Variants in AOPEP observed in about 807,000 individuals in gnomAD.
AOPEP encodes aminopeptidase O.
A neutral mutation model predicts 98.1 loss-of-function variants in AOPEP; 77 were observed. The observed-to-expected ratio is 0.78, with a 90% CI of 0.65 to 0.95. The LOEUF is 0.95. AOPEP is among the 40% of genes least tolerant of loss of function. The pLI is 0.00. For missense variants in AOPEP, 1,024 were observed against 1,024.7 expected, an observed-to-expected ratio of 1.00 and a Z score of 0.01; for synonymous variants, 346 against 365.3, an observed-to-expected ratio of 0.95 and a Z score of 0.60.
intron 13 of AOPEP, among the ~76,000 whole-genome samples, chr9:95,038,952 A>G (rs1294292625): frequency 1.3e-5 from 2 of 152,160 alleles, no homozygotes; most frequent in Non-Finnish European, 2.9e-5. Flanking sequence ...CGGGCTTAAC[A>G]TAGGATTGCC....
the AOPEP span, among the ~76,000 whole-genome samples, chr9:95,137,600 AGATCAGTTT>A: frequency 6.6e-6 from 1 of 152,158 alleles, no homozygotes; most frequent in Non-Finnish European, 1.5e-5. Context: ...ATTTACTAAG[AGATCAGTTT>A]GAGGTGTGTG....
intron 5 of AOPEP, among the ~76,000 whole-genome samples, chr9:94,820,780 A>G (rs182597373): frequency 1.7e-4 from 26 of 152,348 alleles, no homozygotes; most frequent in Admixed American, 5.2e-4. Flanking sequence ...TCTTAAAAGC[A>G]GTAGAATATC....
intron 3 of AOPEP, among the ~76,000 whole-genome samples, chr9:94,779,368 A>C (rs1305757052): frequency 1.3e-5 from 2 of 152,198 alleles, no homozygotes; most frequent in Non-Finnish European, 2.9e-5. Context: ...CACCTCACCA[A>C]GCCTACATAT....
At chr9:95,078,093 G>T (rs1199746534) in intron 14 of AOPEP, among the ~76,000 whole-genome samples, 1 of 152,076 alleles carries the variant, frequency 6.6e-6, no homozygotes, top group East Asian at 1.9e-4. Context: ...GTCCTTCCTG[G>T]ATGCTGTTAG....
intron 3 of AOPEP, among the ~76,000 whole-genome samples, chr9:94,774,070 GTT>G (rs1841506358): frequency 1.3e-5 from 2 of 152,046 alleles, no homozygotes; most frequent in African/African-American, 4.8e-5. Flanking sequence ...CATTTTTATA[GTT>G]ATATTATTTC....
At chr9:94,962,090 G>A (rs2058880999) in intron 9 of AOPEP, among the ~76,000 whole-genome samples, 1 of 152,180 alleles carries the variant, frequency 6.6e-6, no homozygotes, top group South Asian at 2.1e-4. Context: ...TGGCTGTGCT[G>A]CTCTTGAAAA....
chr9:95,123,600 C>T, the AOPEP span: 3 of 593,416 alleles, frequency 5.1e-6, no homozygotes, highest in Middle Eastern at 2.8e-4. Flanking sequence ...ACGAACTGTG[C>T]CCAATGTGTG....
intron 3 of AOPEP, among the ~76,000 whole-genome samples, chr9:94,787,286 C>T (rs1278408453): frequency 6.6e-6 from 1 of 152,206 alleles, no homozygotes; most frequent in African/African-American, 2.4e-5. Flanking sequence ...GGTGTCTTCC[C>T]CATGTCACCT....
rs182033709 is a variant in AOPEP at position 94,884,750 on chromosome 9, G to A, written c.1365-39236G>A. Among the ~76,000 whole-genome samples, 154 of 152,160 alleles carry A rather than the reference G, an allele frequency of 1.0e-3. 2 individuals carry two copies. The highest frequency in any genetic ancestry group is 3.7e-3 in the African/African-American group (153 of 41,460). On this transcript the variant is annotated intron_variant, in intron 5 of 16. Coordinates refer to ENST00000375315, the MANE Select transcript of AOPEP (RefSeq NM_001193329.3). ...GCACTGGCCGGGCGCGGTGGCTCAC[G>A]CCTGTAATCCCAGCACTTTGGGAGG...
At position 95,005,590 on chromosome 9, in the gene AOPEP, A is replaced by AG; in HGVS notation, c.2092dup (p.Glu698GlyfsTer7). 6.2e-7 allele frequency: 1 copy of AG among 1,614,006 alleles called. No individual in the cohort carries two copies. Among genetic ancestry groups the AG allele is most frequent in the Non-Finnish European group, 8.5e-7 (1 of 1,179,926 alleles). On this transcript the variant is annotated frameshift_variant, in exon 13 of 17. Coordinates refer to ENST00000375315, the MANE Select transcript of AOPEP (RefSeq NM_001193329.3). LOFTEE classifies it high-confidence loss of function. The stretch of plus-strand genomic sequence containing the variant: ...CCGGAGACCCCGAAAACGGAAGCGC[A>AG]GGGAGAAGGAAGAGGTGTTTGAAAA...
intron 3 of AOPEP, among the ~76,000 whole-genome samples, chr9:94,781,764 G>C (rs1408757440): frequency 6.6e-6 from 1 of 151,244 alleles, no homozygotes; most frequent in African/African-American, 2.4e-5. Context: ...GTTTCACCGT[G>C]TTAGCCAGGA....
intron 1 of AOPEP, among the ~76,000 whole-genome samples, chr9:94,744,397 A>G (rs1244708495): frequency 6.6e-6 from 1 of 151,640 alleles, no homozygotes; most frequent in Non-Finnish European, 1.5e-5. Context: ...TGTCTCAACA[A>G]CAACAACAAC....
At chr9:94,977,316 A>T (rs1352203816) in intron 10 of AOPEP, among the ~76,000 whole-genome samples, 1 of 152,138 alleles carries the variant, frequency 6.6e-6, no homozygotes, top group Admixed American at 6.5e-5. Flanking sequence ...TCCTGCCTGC[A>T]ACCCGGAGCA....
At chr9:94,913,216 G>A (rs1246476870) in intron 5 of AOPEP, among the ~76,000 whole-genome samples, 1 of 152,200 alleles carries the variant, frequency 6.6e-6, no homozygotes, top group Non-Finnish European at 1.5e-5. Flanking sequence ...TAAACCTGAT[G>A]CATTCCATTT....
chr9:95,083,380 G>C (rs2070096546), intron 16 of AOPEP, among the ~76,000 whole-genome samples: 1 of 146,086 alleles, frequency 6.8e-6, no homozygotes, highest in African/African-American at 2.6e-5. Flanking sequence ...AGCACACGCG[G>C]CACACACAGC....
At chr9:94,944,190 G>A (rs951194132) in intron 7 of AOPEP, among the ~76,000 whole-genome samples, 10 of 152,154 alleles carry the variant, frequency 6.6e-5, no homozygotes, top group Admixed American at 6.5e-4. Context: ...AAACAGCCTG[G>A]TGGTTCCTCA....
chr9:94,743,253 G>GGAAGAAGAA (rs139005545), intron 1 of AOPEP, among the ~76,000 whole-genome samples: 1 of 129,614 alleles, frequency 7.7e-6, no homozygotes, highest in South Asian at 2.5e-4. Context: ...AGGAAGAAGA[G>GGAAGAAGAA]GAAGAAGAAG....
intron 5 of AOPEP, among the ~76,000 whole-genome samples, chr9:94,829,075 G>A (rs1036698322): frequency 3.3e-5 from 5 of 151,786 alleles, no homozygotes; most frequent in African/African-American, 1.2e-4. Flanking sequence ...CACCATGTTG[G>A]CCAGGCTAGT....
the AOPEP span, among the ~76,000 whole-genome samples, chr9:95,147,249 G>A: frequency 6.6e-6 from 1 of 152,166 alleles, no homozygotes; most frequent in Non-Finnish European, 1.5e-5. Flanking sequence ...CTGGCGCAGT[G>A]GCTCACGCCT....
Sources: gnomAD v4.1 joint callset for allele counts (sites outside exome capture counted in the v4.1 genomes callset) on GRCh38, gnomAD v4.1.1 for gene constraint, MANE v1.5 for transcripts, NCBI Gene and HGNC (gene_info 2026-07-23, HGNC 2026-07-21) for gene names.